PRDM13: variants seen among roughly 807,000 people sequenced by gnomAD.
PRDM13 encodes PR domain zinc finger protein 13.
PRDM13 carries 15 observed loss-of-function variants against 36.4 expected under a neutral mutation model. The ratio of observed to expected loss-of-function variants is 0.41; its 90% CI spans 0.28 to 0.64. The LOEUF (loss-of-function observed/expected upper bound fraction) is 0.64, where lower values mean the gene tolerates loss of function less well. Ranked by LOEUF, PRDM13 falls within the 30% of genes least tolerant of loss-of-function variation. The pLI is 0.29. For synonymous variants in PRDM13, 531 were observed against 467.7 expected (o/e 1.14, Z -1.75); for missense variants, 1,044 against 1,013.5 (o/e 1.03, Z -0.41).
At position 99,614,568 on chromosome 6, in the gene PRDM13, C is replaced by T. The variant is rs773156609; in HGVS notation, c.1933C>T (p.Leu645=). ...CGKVLVRRRD[L]ERHVKSRHPG... ...CAAGGTACTTGTGCGCCGCCGGGAC[C>T]TGGAGCGACATGTCAAGTCCCGCCA... Residue 645 remains leucine, a synonymous_variant, in exon 4 of 4, where the codon CTG becomes TTG. Transcript: ENST00000369215. 1.6e-5 allele frequency: 26 copies of T among 1,612,672 alleles called. No individual in the cohort carries two copies. The East Asian group carries it at 5.6e-4, about 35-fold the overall frequency.
Position 99,609,282 on chromosome 6 carries a change from A to T in PRDM13, c.372A>T (p.Thr124=). The T allele has an allele frequency of 6.2e-7, 1 of 1,614,090 alleles. No homozygotes were observed. Among genetic ancestry groups the T allele is most frequent in the South Asian group, 1.1e-5 (1 of 91,072 alleles). Residue 124 remains threonine, a synonymous_variant, in exon 3 of 4, where the codon ACA becomes ACT. Transcript: ENST00000369215. Reference sequence around the variant, plus strand: ...CTCAGTGGTTCGACATCCCCACCACAGCGACTCCGACTCACGACGAGAAAG... The same window carrying T: ...CTCAGTGGTTCGACATCCCCACCACTGCGACTCCGACTCACGACGAGAAAG... ...SLAQWFDIPT[T]ATPTHDEKGE...
At chr6:99,608,641 AC>A in intron 1 of PRDM13, 99 bp from the exon 2 acceptor site, 2 of 1,479,374 alleles carry the variant, frequency 1.4e-6, no homozygotes, top group Non-Finnish European at 1.8e-6. Flanking sequence ...ACCAAAAACA[AC>A]CACTTTCCTG....
chr6:99,609,635 C>G (rs918788468), intron 3 of PRDM13, among the ~76,000 whole-genome samples: 25 of 152,146 alleles, frequency 1.6e-4, no homozygotes, highest in African/African-American at 6.0e-4. Context: ...CCTGTAATCC[C>G]AGCACTTTGG....
At chr6:99,612,977 TTA>T in intron 3 of PRDM13, 54 bp from the exon 4 acceptor site, 2 of 1,597,870 alleles carry the variant, frequency 1.3e-6, no homozygotes. Flanking sequence ...GGCGCTTTCT[TTA>T]TGTCTCGCTT....
At position 99,611,623 on chromosome 6, in the gene PRDM13, T is replaced by C. The variant is rs140455467; in HGVS notation, c.398-1410T>C. 5.0e-3 allele frequency among the ~76,000 whole-genome samples: 766 copies of C among 152,316 alleles called. 8 individuals carry two copies. The highest frequency in any genetic ancestry group is 0.018 in the African/African-American group (748 of 41,566). ...ATCACTTGAGTTTTCACAGGTCTTA[T>C]GGGGTAGGGGTGGGAGCTACTTGTG... On this transcript the variant is annotated intron_variant, in intron 3 of 3. Coordinates refer to ENST00000369215, the MANE Select transcript of PRDM13 (RefSeq NM_021620.4).
chr6:99,608,776 G>A lies in PRDM13; in HGVS notation c.180G>A (p.Ser60=). 1 of 1,611,964 alleles carries A rather than the reference G, an allele frequency of 6.2e-7. No homozygotes were observed. The highest frequency in any genetic ancestry group is 8.5e-7 in the Non-Finnish European group (1 of 1,179,044). Residue 60 remains serine (S), a synonymous_variant, in exon 2 of 4, where the codon TCG becomes TCA. Transcript: ENST00000369215. Reference sequence around the variant, plus strand: ...TGAGAGGGGAGCTGGTGGACGAGTCGGGGGGCTCCCCTCTGGAGTGGATAG... The same window carrying A: ...TGAGAGGGGAGCTGGTGGACGAGTCAGGGGGCTCCCCTCTGGAGTGGATAG... ...RMVRGELVDE[S]GGSPLEWIGL... is the part of the protein sequence containing the mutation.
chr6:99,607,329 A>G (rs919249202), intron 1 of PRDM13, 151 bp downstream of exon 1: 15 of 1,178,422 alleles, frequency 1.3e-5, no homozygotes, highest in East Asian at 2.7e-5. Context: ...ATTCTGAGCA[A>G]GTAGCCTCTT....
intron 3 of PRDM13, 131 bp downstream of exon 3, chr6:99,609,438 A>G: frequency 4.6e-6 from 6 of 1,290,690 alleles, no homozygotes; most frequent in Non-Finnish European, 6.3e-6. Context: ...CAAAGAGGAG[A>G]GAGGTCGCCA....
rs753704639 is a variant in PRDM13, at chr6:99,613,943, G to A, written c.1308G>A (p.Leu436=). ...APGLPLERCA[L]PPLDPGGLKA... ...GGTTGCCCCTCGAGCGCTGCGCGCT[G>A]CCGCCCCTCGACCCGGGCGGTCTCA... Residue 436 remains leucine, a synonymous_variant, in exon 4 of 4, where the codon CTG becomes CTA. Transcript: ENST00000369215. This position sits in a 1 kb window ranked among gnomAD's most constrained non-coding sequence, Gnocchi z 6.1. 1.9e-6 allele frequency: 3 copies of A among 1,588,960 alleles called. No individual in the cohort carries two copies. In the East Asian group the frequency reaches 7.1e-5, roughly 38 times the overall value.
Position 99,614,053 on chromosome 6 carries a change from C to T in PRDM13, c.1418C>T (p.Ser473Leu), listed in dbSNP as rs1417276404. Reference protein sequence around the residue: ...TVYNGELLYGSPATTAYYPLK... With the variant: ...TVYNGELLYGLPATTAYYPLK... ...TACAACGGGGAGCTGCTCTACGGCT[C>T]ACCGGCCACCACCGCTTATTACCCG... Residue 473 changes from serine (S) to leucine (L), a missense_variant, in exon 4 of 4, where the codon TCA (serine) becomes TTA (leucine). By Grantham distance (145) the Ser-to-Leu change is moderately radical. This residue lies in a region of PRDM13 where 921 missense variants were observed against 865.2 expected (regional missense o/e 1.06). Coordinates refer to ENST00000369215, the MANE Select transcript of PRDM13 (RefSeq NM_021620.4). 4 of 1,606,602 alleles carry T rather than the reference C, an allele frequency of 2.5e-6. No homozygotes were observed. Among genetic ancestry groups the T allele is most frequent in the Non-Finnish European group, 3.4e-6 (4 of 1,177,542 alleles).
Position 99,613,834 on chromosome 6 carries a change from C to A in PRDM13, c.1199C>A (p.Ser400Tyr). ...PLLSVPPEEA[S>Y]AFKHVERAPP... The stretch of plus-strand genomic sequence containing the variant: ...CTCTCCGTCCCCCCGGAAGAGGCGT[C>A]CGCCTTCAAGCACGTGGAGCGCGCC... Residue 400 changes from serine to tyrosine, a missense_variant, in exon 4 of 4, where the codon TCC (serine) becomes TAC (tyrosine). By Grantham distance (144) the Ser-to-Tyr change is moderately radical. Coordinates refer to ENST00000369215, the MANE Select transcript of PRDM13 (RefSeq NM_021620.4). The surrounding 1 kb of genome is among the most constrained non-coding windows in gnomAD (Gnocchi z 6.1). 1 of 1,511,392 alleles carries A rather than the reference C, an allele frequency of 6.6e-7. No individual in the cohort carries two copies. Among genetic ancestry groups the A allele is most frequent in the East Asian group, 2.7e-5 (1 of 37,366 alleles). The allele number at this position is 1,511,392 out of a possible 1,614,324, so 93.6% of individuals were successfully genotyped here.
At chr6:99,608,073 A>G (rs1769977766) in intron 1 of PRDM13, among the ~76,000 whole-genome samples, 1 of 152,196 alleles carries the variant, frequency 6.6e-6, no homozygotes, top group East Asian at 1.9e-4. Flanking sequence ...GCTTTCTAGT[A>G]AAAAGCTCCG....
chr6:99,614,919 T>C lies in PRDM13; in HGVS notation c.*160T>C. ...TTGAAACAGTGAGAGGTCCCACATC[T>C]GGTGCTGAAACTCAGAGCAACAGTT... is the stretch of plus-strand genomic sequence containing the variant. On this transcript the variant is annotated 3_prime_UTR_variant, in exon 4 of 4. Transcript: ENST00000369215. 1.0e-6 allele frequency: 1 copy of C among 984,860 alleles called. No individual in the cohort carries two copies. The highest frequency in any genetic ancestry group is 1.4e-6 in the Non-Finnish European group (1 of 691,138). 61.0% of individuals were successfully genotyped at this position (984,860 alleles called of 1,614,324 possible).
rs566478447 is a variant in PRDM13, at chr6:99,614,846, A to C, written c.*87A>C. 2.6e-5 allele frequency: 38 copies of C among 1,487,360 alleles called. No homozygotes were observed. Among genetic ancestry groups the C allele is most frequent in the African/African-American group, 4.2e-5 (3 of 71,214 alleles). The allele number at this position is 1,487,360 out of a possible 1,614,324, so 92.1% of individuals were successfully genotyped here. Reference sequence around the variant, plus strand: ...TAGAGGAACTCCTGGTGGTGGGAAGAGGGACCCAATGGACAAAACCGTTTT... The same window carrying C: ...TAGAGGAACTCCTGGTGGTGGGAAGCGGGACCCAATGGACAAAACCGTTTT... On this transcript the variant is annotated 3_prime_UTR_variant, in exon 4 of 4. Transcript: ENST00000369215.
At position 99,613,678 on chromosome 6, in the gene PRDM13, G is replaced by T. The variant is rs1770073171; in HGVS notation, c.1043G>T (p.Gly348Val). The T allele has an allele frequency of 7.0e-7, 1 of 1,426,246 alleles. No homozygotes were observed. 88.3% of individuals were successfully genotyped at this position (1,426,246 alleles called of 1,614,324 possible). A position where few individuals can be genotyped will look rare whatever the true frequency, so the allele number is the denominator to read the frequency against. The change falls in exon 4 of 4, where the codon GGC becomes GTC. Residue 348 changes from glycine (G) to valine (V), a missense_variant. Gly to Val is a moderately radical substitution (Grantham distance 109). Around this residue, in one of 3 missense-constraint regions of PRDM13, gnomAD observed 921 missense variants for 865.2 expected, o/e 1.06. Coordinates refer to ENST00000369215, the MANE Select transcript of PRDM13 (RefSeq NM_021620.4). This position sits in a 1 kb window ranked among gnomAD's most constrained non-coding sequence, Gnocchi z 6.1. ...GGGAGCGGGGAGAACTCGGCGGCGG[G>T]CGGCGCGGGTCACCACCATCACCAC... is the stretch of plus-strand genomic sequence containing the variant. ...RPGSGENSAA[G>V]GAGHHHHHHA...
rs775442719 is a variant in PRDM13 at position 99,613,353 on chromosome 6, C to T, written c.718C>T (p.Pro240Ser). ...EASSAPSATS[P>S]TPGKWGQPKK... ...CTCTTCCGCGCCCTCGGCCACCTCG[C>T]CGACCCCAGGCAAGTGGGGGCAGCC... Residue 240 changes from proline to serine, a missense_variant, in exon 4 of 4, where the codon CCG (proline) becomes TCG (serine). Pro to Ser is a moderately conservative substitution (Grantham distance 74). Coordinates refer to ENST00000369215, the MANE Select transcript of PRDM13 (RefSeq NM_021620.4). This position sits in a 1 kb window ranked among gnomAD's most constrained non-coding sequence, Gnocchi z 6.1. The T allele has an allele frequency of 7.8e-6, 12 of 1,548,352 alleles. No homozygotes were observed. Among genetic ancestry groups the T allele is most frequent in the Non-Finnish European group, 5.2e-6 (6 of 1,152,872 alleles).
At chr6:99,607,896 C>G (rs1562507429) in intron 1 of PRDM13, among the ~76,000 whole-genome samples, 1 of 152,238 alleles carries the variant, frequency 6.6e-6, no homozygotes, top group Non-Finnish European at 1.5e-5. Flanking sequence ...GACTCCCACA[C>G]TCCACACACC....
At position 99,614,308 on chromosome 6, in the gene PRDM13, G is replaced by A. The variant is rs1383828460; in HGVS notation, c.1673G>A (p.Gly558Asp). 26 of 1,603,838 alleles carry A rather than the reference G, an allele frequency of 1.6e-5. No individual in the cohort carries two copies. The East Asian group carries it at 1.8e-4, about 11-fold the overall frequency. The change falls in exon 4 of 4, where the codon GGC (glycine) becomes GAC (aspartate). Residue 558 changes from glycine to aspartate, a missense_variant. By Grantham distance (94) the Gly-to-Asp change is moderately conservative (BLOSUM62 -1). Coordinates refer to ENST00000369215, the MANE Select transcript of PRDM13 (RefSeq NM_021620.4). The part of the protein sequence containing the change: ...PAVAAAGGTG[G>D]GGSGGSGAGK... ...GTCGCGGCGGCGGGAGGCACCGGGG[G>A]CGGCGGCAGCGGAGGCAGCGGCGCA...
Position 99,613,169 on chromosome 6 carries a change from C to T in PRDM13, c.534C>T (p.Arg178=). The part of the protein sequence containing the change: ...GAFLHHEHAA[R]QGAVPAADGL... ...TCCTGCACCACGAACACGCGGCTCG[C>T]CAAGGCGCCGTCCCAGCGGCTGATG... Residue 178 remains arginine, a synonymous_variant, in exon 4 of 4, where the codon CGC becomes CGT. Coordinates refer to ENST00000369215, the MANE Select transcript of PRDM13 (RefSeq NM_021620.4). The surrounding 1 kb of genome is among the most constrained non-coding windows in gnomAD (Gnocchi z 6.1). 1 of 1,612,870 alleles carries T rather than the reference C, an allele frequency of 6.2e-7. No homozygotes were observed. Among genetic ancestry groups the T allele is most frequent in the Non-Finnish European group, 8.5e-7 (1 of 1,179,878 alleles).
Sources: gnomAD v4.1 joint callset for allele counts (sites outside exome capture counted in the v4.1 genomes callset) on GRCh38, gnomAD v4.1.1 for gene constraint, gnomAD v4.1.1 regional missense constraint, Gnocchi (gnomAD v3.1) non-coding constraint, MANE v1.5 for transcripts, NCBI Gene and HGNC (gene_info 2026-07-23, HGNC 2026-07-21) for gene names.